Variants in ZFHX3 observed in about 807,000 individuals in gnomAD.
The protein encoded by ZFHX3 is zinc finger homeobox protein 3.
ZFHX3 carries 42 observed loss-of-function variants against 279.1 expected under a neutral mutation model. The ratio of observed to expected loss-of-function variants is 0.15; its 90% CI spans 0.12 to 0.19. The LOEUF (loss-of-function observed/expected upper bound fraction) is 0.19, where lower values mean the gene tolerates loss of function less well. ZFHX3 is among the 10% of genes least tolerant of loss of function. The pLI is 1.00. For missense variants in ZFHX3, 4,981 were observed against 4,754.0 expected (o/e 1.05, Z -1.40); for synonymous variants, 2,293 against 1,957.8 (o/e 1.17, Z -4.52).
rs144262706 is a variant in ZFHX3, at chr16:73,851,252, CAA to C, written c.-1608+40397_-1608+40398del. ...AGCAGGGCCCAGCACATAAGAGAAT[CAA>C]GAGCCCACATGTTCTACCAGAGGTG... On this transcript the variant is annotated intron_variant, in intron 1 of 17. Coordinates refer to the ZFHX3 transcript ENST00000641206. Among the ~76,000 whole-genome samples the C allele has an allele frequency of 4.2e-3, 645 of 152,236 alleles. 5 individuals carry two copies. The highest frequency in any genetic ancestry group is 0.014 in the African/African-American group (598 of 41,540).
intron 1 of ZFHX3, among the ~76,000 whole-genome samples, chr16:73,035,768 C>T (rs1166682837): frequency 1.3e-5 from 2 of 152,146 alleles, no homozygotes; most frequent in African/African-American, 4.8e-5. Context: ...TGGTGGAAAA[C>T]CAGCCCACGC....
intron 3 of ZFHX3, among the ~76,000 whole-genome samples, chr16:72,912,927 G>A (rs61655021): frequency 1.3e-5 from 2 of 152,066 alleles, no homozygotes; most frequent in African/African-American, 4.8e-5. Context: ...GTTTCACCAC[G>A]TTGGCCAGAA....
At chr16:73,223,316 A>T (rs1392875676) in intron 5 of ZFHX3, among the ~76,000 whole-genome samples, 1 of 152,194 alleles carries the variant, frequency 6.6e-6, no homozygotes, top group East Asian at 1.9e-4. Context: ...TTTGCAAACG[A>T]AATATCTGAT....
chr16:72,992,753 A>C (rs1963140508), intron 1 of ZFHX3, among the ~76,000 whole-genome samples: 1 of 152,256 alleles, frequency 6.6e-6, no homozygotes, highest in South Asian at 2.1e-4. Flanking sequence ...CCATTCAGAA[A>C]GGTACAACCT....
upstream of ZFHX3, chr16:73,061,134 A>G (rs1965677668): frequency 6.6e-6 from 1 of 152,196 alleles, no homozygotes; most frequent in Non-Finnish European, 1.5e-5. Flanking sequence ...AGGACAGCTG[A>G]TCAATAAAGC....
intron 5 of ZFHX3, among the ~76,000 whole-genome samples, chr16:73,220,189 T>C (rs988533769): frequency 2.0e-5 from 3 of 152,164 alleles, no homozygotes; most frequent in Non-Finnish European, 4.4e-5. Flanking sequence ...TGGGGACTAC[T>C]AGAGAGGACA....
In ZFHX3 at chr16:73,542,082, G is replaced by A. The variant is rs116019626; in HGVS notation, c.-1546-85824C>T. Among the ~76,000 whole-genome samples the A allele has an allele frequency of 1.5e-3, 229 of 152,000 alleles. 1 individual carries two copies. The highest frequency in any genetic ancestry group is 5.2e-3 in the African/African-American group (214 of 41,480). On this transcript the variant is annotated intron_variant, in intron 2 of 17. Transcript: ENST00000641206. ...CCCAAAATGCTTGGATTACAGGCTC[G>A]AGCAACCGCGCCCGGCCCTGTTTGG... is the stretch of plus-strand genomic sequence containing the variant.
At chr16:73,607,185 T>C (rs182484465) in intron 2 of ZFHX3, among the ~76,000 whole-genome samples, 6 of 152,268 alleles carry the variant, frequency 3.9e-5, no homozygotes, top group South Asian at 2.1e-4. Context: ...CCTACCACCA[T>C]GCCTGGCTAA....
intron 1 of ZFHX3, among the ~76,000 whole-genome samples, chr16:73,811,576 C>CGA (rs1960427249): frequency 6.6e-6 from 1 of 151,420 alleles, no homozygotes; most frequent in African/African-American, 2.4e-5. Context: ...TCTGGAGTAG[C>CGA]TGGGACTACA....
chr16:73,379,795 A>G (rs930497811), intron 3 of ZFHX3, among the ~76,000 whole-genome samples: 3 of 152,220 alleles, frequency 2.0e-5, no homozygotes, highest in African/African-American at 7.2e-5. Context: ...CCTACTCTGC[A>G]GGGCACTAAT....
Position 73,334,810 on chromosome 16 carries a change from CTTTTTTTTT to C in ZFHX3, c.-1290-16483_-1290-16475del, listed in dbSNP as rs368597124. On this transcript the variant is annotated intron_variant, in intron 3 of 17. Coordinates refer to the ZFHX3 transcript ENST00000641206. Reference sequence around the variant, plus strand: ...TCTTTTCCTCCTTTTCTTTCTCATTCTTTTTTTTTTTTTTTTTTTTTTTTTTGCAAAATG... The same window carrying C: ...TCTTTTCCTCCTTTTCTTTCTCATTCTTTTTTTTTTTTTTTTTGCAAAATG... Among the ~76,000 whole-genome samples the C allele has an allele frequency of 5.6e-3, 324 of 57,916 alleles. 2 individuals are homozygous for C. The highest frequency in any genetic ancestry group is 7.6e-3 in the African/African-American group (132 of 17,378). The allele number at this position is 57,916 out of a possible 152,430, so 38.0% of individuals were successfully genotyped here.
intron 2 of ZFHX3, among the ~76,000 whole-genome samples, chr16:73,584,407 G>A (rs895099834): frequency 6.6e-6 from 1 of 152,150 alleles, no homozygotes; most frequent in Non-Finnish European, 1.5e-5. Context: ...CTTTAGAGGA[G>A]AAACAGATAG....
At chr16:73,375,186 T>C (rs966584707) in intron 3 of ZFHX3, among the ~76,000 whole-genome samples, 1 of 152,228 alleles carries the variant, frequency 6.6e-6, no homozygotes, top group Admixed American at 6.5e-5. Flanking sequence ...TTTTGAATCA[T>C]TATAAACTCA....
At chr16:73,880,014 C>T (rs2030091183) in intron 1 of ZFHX3, among the ~76,000 whole-genome samples, 1 of 152,140 alleles carries the variant, frequency 6.6e-6, no homozygotes, top group African/African-American at 2.4e-5. Flanking sequence ...TGTGAAACAA[C>T]ATTTTTAAAG....
chr16:73,676,919 G>T (rs1315691090), intron 2 of ZFHX3, among the ~76,000 whole-genome samples: 3 of 151,992 alleles, frequency 2.0e-5, no homozygotes, highest in Admixed American at 6.6e-5. Flanking sequence ...CAATATTCAT[G>T]TGTCAAATAA....
chr16:73,050,828 C>T (rs576699896), upstream of ZFHX3, among the ~76,000 whole-genome samples: 1 of 152,316 alleles, frequency 6.6e-6, no homozygotes, highest in South Asian at 2.1e-4. Context: ...CTCGTCTCAT[C>T]TGGAAAGCGT....
chr16:73,779,170 A>G (rs1183522298), intron 1 of ZFHX3, among the ~76,000 whole-genome samples: 3 of 152,166 alleles, frequency 2.0e-5, no homozygotes, highest in African/African-American at 7.2e-5. Flanking sequence ...GAGCCTCCCA[A>G]CATGTGCCAA....
intron 3 of ZFHX3, among the ~76,000 whole-genome samples, chr16:72,906,885 G>A (rs749819572): frequency 2.0e-5 from 3 of 152,216 alleles, no homozygotes; most frequent in South Asian, 2.1e-4. Flanking sequence ...AAGGAGGTGG[G>A]TGGAAGCGAG....
chr16:73,488,223 A>T (rs933538801), intron 2 of ZFHX3, among the ~76,000 whole-genome samples: 4 of 152,284 alleles, frequency 2.6e-5, no homozygotes, highest in Admixed American at 2.6e-4. Context: ...AAGCTAAAGG[A>T]ATGGTGCCAT....
Sources: gnomAD v4.1 joint callset for allele counts (sites outside exome capture counted in the v4.1 genomes callset) on GRCh38, gnomAD v4.1.1 for gene constraint, MANE v1.5 for transcripts, NCBI Gene and HGNC (gene_info 2026-07-23, HGNC 2026-07-21) for gene names.